The following MPP7 variants were observed in gnomAD, a reference collection of about 807,000 sequenced individuals.
MPP7 encodes the protein MAGUK p55 subfamily member 7.
In MPP7, 60 loss-of-function variants were observed where a neutral mutation model predicts 76.5. That is an observed-to-expected ratio of 0.78 (90% CI 0.64 to 0.97). MPP7 has a LOEUF of 0.97. MPP7 is among the 50% of genes least tolerant of loss of function. The pLI, the probability that MPP7 is intolerant of heterozygous loss-of-function variation, is 0.00. For synonymous variants in MPP7, 237 were observed against 244.5 expected (o/e 0.97, Z 0.29); for missense variants, 641 against 694.0 (o/e 0.92, Z 0.86).
At chr10:28,097,881 C>G (rs1160956340) in intron 11 of MPP7, among the ~76,000 whole-genome samples, 1 of 152,142 alleles carries the variant, frequency 6.6e-6, no homozygotes, top group Non-Finnish European at 1.5e-5. Flanking sequence ...AAGGTGTTTT[C>G]ACAATGCAGG....
At chr10:28,286,335 G>GT (rs1840790324) in intron 1 of MPP7, among the ~76,000 whole-genome samples, 4 of 150,642 alleles carry the variant, frequency 2.7e-5, no homozygotes, top group Non-Finnish European at 5.9e-5. Context: ...AACAGAGCGA[G>GT]ACTCCACCTC....
intron 3 of MPP7, among the ~76,000 whole-genome samples, chr10:28,193,139 G>T (rs1217667795): frequency 6.6e-6 from 1 of 151,584 alleles, no homozygotes; most frequent in Non-Finnish European, 1.5e-5. Flanking sequence ...ACTTCTAGGA[G>T]ATAACACAAG....
At chr10:28,290,983 G>A (rs1463908961) in intron 1 of MPP7, among the ~76,000 whole-genome samples, 2 of 152,080 alleles carry the variant, frequency 1.3e-5, no homozygotes, top group African/African-American at 4.8e-5. Flanking sequence ...TACAAAATTA[G>A]GATTATCCTG....
rs199511617 is a variant in MPP7 at position 28,254,004 on chromosome 10, G to GAA, written c.-131-15271_-131-15270dup. On this transcript the variant is annotated intron_variant, in intron 1 of 16. Transcript: ENST00000683449. ...GAGAGAGAGTCTGTCTCACAAAAAA[G>GAA]AAAAAAAAAAAAAAAAAAAAAAAAA... 7.4e-3 allele frequency among the ~76,000 whole-genome samples: 684 copies of GAA among 92,340 alleles called. 54 individuals are homozygous for GAA. Among genetic ancestry groups the GAA allele is most frequent in the Non-Finnish European group, 0.011 (513 of 48,614 alleles). The allele number at this position is 92,340 out of a possible 152,430, so 60.6% of individuals were successfully genotyped here.
rs1287233754 is a variant in MPP7 at position 28,054,097 on chromosome 10, G to A, written c.1699C>T (p.His567Tyr). Residue 567 changes from histidine to tyrosine, a missense_variant, in exon 17 of 17, where the codon CAT (histidine) becomes TAT (tyrosine). Physicochemically the swap from His to Tyr is moderately conservative, Grantham distance 83. Coordinates refer to ENST00000683449, the MANE Select transcript of MPP7 (RefSeq NM_001318170.2). ...TGTAACCAGCTCACTGGCACCCAAT[G>A]GGTCTCTGTCTCTAATTTGTCAAAA... is the stretch of plus-strand genomic sequence containing the variant. The part of the protein sequence containing the change: ...TTFDKLETET[H>Y]WVPVSWLHS 6.2e-7 allele frequency: 1 copy of A among 1,613,670 alleles called. No homozygotes were observed. The highest frequency in any genetic ancestry group is 1.7e-5 in the Admixed American group (1 of 59,962).
intron 12 of MPP7, among the ~76,000 whole-genome samples, chr10:28,082,434 CTCCTTCCTCCTCCTTCCTTA>C (rs1178609677): frequency 2.6e-5 from 4 of 151,260 alleles, no homozygotes; most frequent in Non-Finnish European, 1.5e-5. Flanking sequence ...TCTCCTTCTC[CTCCTTCCTCCTCCTTCCTTA>C]TCCTTCCTCC....
chr10:28,280,204 T>C (rs1215625405), intron 1 of MPP7: 1 of 152,028 alleles, frequency 6.6e-6, no homozygotes, highest in Admixed American at 6.5e-5. Flanking sequence ...TTAGGAACAA[T>C]ACGATATAAA....
At chr10:28,127,024 AGT>A (rs1245884090) in intron 6 of MPP7, among the ~76,000 whole-genome samples, 6 of 152,204 alleles carry the variant, frequency 3.9e-5, no homozygotes, top group Non-Finnish European at 8.8e-5. Context: ...AGGAACTCCA[AGT>A]GAGAACCTCC....
upstream of MPP7, among the ~76,000 whole-genome samples, chr10:28,307,829 C>T (rs866997634): frequency 1.3e-5 from 2 of 152,154 alleles, no homozygotes; most frequent in African/African-American, 4.8e-5. Flanking sequence ...GAATCCCCTT[C>T]AAATTCAGGT....
chr10:28,283,804 C>T (rs906260506), intron 1 of MPP7, among the ~76,000 whole-genome samples: 9 of 152,300 alleles, frequency 5.9e-5, no homozygotes, highest in African/African-American at 2.2e-4. Context: ...GGTGAGCCGT[C>T]ACGCCCAGCC....
chr10:28,103,720 C>G (rs1853941306), intron 11 of MPP7, among the ~76,000 whole-genome samples: 1 of 148,710 alleles, frequency 6.7e-6, no homozygotes, highest in Admixed American at 6.7e-5. Flanking sequence ...AGAACAGCAT[C>G]TAGAATGTAA....
At chr10:28,121,429 C>T (rs935737055) in intron 8 of MPP7, among the ~76,000 whole-genome samples, 6 of 151,666 alleles carry the variant, frequency 4.0e-5, no homozygotes, top group Non-Finnish European at 8.8e-5. Flanking sequence ...AAATAAAGAA[C>T]ATTCATATCT....
intron 2 of MPP7, among the ~76,000 whole-genome samples, chr10:28,309,709 A>G (rs1841278413): frequency 6.6e-6 from 1 of 152,118 alleles, no homozygotes; most frequent in African/African-American, 2.4e-5. Context: ...CCAGTGTTGG[A>G]GGTGGGGCCT....
chr10:28,167,317 ACAAACAAAC>A, intron 3 of MPP7, among the ~76,000 whole-genome samples: 1 of 7,562 alleles, frequency 1.3e-4, no homozygotes, highest in African/African-American at 5.7e-4. Flanking sequence ...CCTCAAAAAA[ACAAACAAAC>A]AAACAAACAA....
intron 2 of MPP7, among the ~76,000 whole-genome samples, chr10:28,233,195 A>G (rs1838947107): frequency 6.6e-6 from 1 of 152,160 alleles, no homozygotes; most frequent in Non-Finnish European, 1.5e-5. Context: ...TCGATGGTGG[A>G]TGGTAGTAGC....
At chr10:28,299,923 C>T (rs1438642828) in intron 1 of MPP7, among the ~76,000 whole-genome samples, 3 of 151,976 alleles carry the variant, frequency 2.0e-5, no homozygotes, top group African/African-American at 4.8e-5. Flanking sequence ...CCCACCACCA[C>T]GCCCGGCTAA....
intron 2 of MPP7, among the ~76,000 whole-genome samples, chr10:28,203,446 T>A (rs998861643): frequency 6.7e-6 from 1 of 150,174 alleles, no homozygotes; most frequent in African/African-American, 2.5e-5. Context: ...TCTGATTAAA[T>A]TGAAACATTT....
At chr10:28,206,677 T>TATAAAATACA (rs1837958992) in intron 2 of MPP7, among the ~76,000 whole-genome samples, 1 of 152,192 alleles carries the variant, frequency 6.6e-6, no homozygotes, top group Non-Finnish European at 1.5e-5. Context: ...ATCATTTTCA[T>TATAAAATACA]TTCTAGATAA....
chr10:28,248,964 G>A (rs1275774748), intron 1 of MPP7, among the ~76,000 whole-genome samples: 1 of 152,134 alleles, frequency 6.6e-6, no homozygotes, highest in Non-Finnish European at 1.5e-5. Context: ...ATGACTTACA[G>A]AAACTATGAG....
Sources: allele counts gnomAD v4.1 joint callset (sites outside exome capture counted in the v4.1 genomes callset), GRCh38; gene constraint gnomAD v4.1.1; transcripts MANE v1.5; gene names NCBI Gene and HGNC (gene_info 2026-07-23, HGNC 2026-07-21).